Variants in IQSEC3 observed in about 807,000 individuals in gnomAD.
The protein encoded by IQSEC3 is IQ motif and SEC7 domain-containing protein 3.
In IQSEC3, 50 loss-of-function variants were observed where a neutral mutation model predicts 105.4. That is an observed-to-expected ratio of 0.47 (90% CI 0.38 to 0.60). The LOEUF (loss-of-function observed/expected upper bound fraction) is 0.60. Ranked by LOEUF, IQSEC3 falls within the 20% of genes least tolerant of loss-of-function variation. IQSEC3 has a pLI of 0.00. For synonymous variants in IQSEC3, 708 were observed against 746.0 expected, an observed-to-expected ratio of 0.95 and a Z score of 0.83; for missense variants, 1,415 against 1,630.0, an observed-to-expected ratio of 0.87 and a Z score of 2.27.
intron 2 of IQSEC3, among the ~76,000 whole-genome samples, chr12:100,853 C>T (rs192235838): frequency 5.3e-5 from 8 of 152,112 alleles, no homozygotes; most frequent in Admixed American, 1.3e-4. Flanking sequence ...AAGAGGAGAG[C>T]GTGGAGATGT....
At position 139,316 on chromosome 12, in the gene IQSEC3, C is replaced by T; in HGVS notation, c.1953C>T (p.Arg651=). The T allele has an allele frequency of 6.3e-7, 1 of 1,595,552 alleles. No individual in the cohort carries two copies. Among genetic ancestry groups the T allele is most frequent in the Non-Finnish European group, 8.5e-7 (1 of 1,171,918 alleles). The change falls in exon 4 of 14, where the codon CGC becomes CGT. Residue 651 remains arginine, a synonymous_variant. Transcript: ENST00000538872. ...KSPTLSTDTL[R]KRLYRIGLNL... ...CCACGCTCTCCACCGACACCCTGCG[C>T]AAGCGGCTCTACCGCATCGGCCTCA... is the stretch of plus-strand genomic sequence containing the variant.
intron 1 of IQSEC3, among the ~76,000 whole-genome samples, chr12:73,395 T>C (rs181828570): frequency 5.4e-3 from 824 of 152,186 alleles, no homozygotes; most frequent in Non-Finnish European, 8.6e-3. Flanking sequence ...TTGGGGTACA[T>C]AGTAAGTGCT....
chr12:174,579 T>C lies in IQSEC3; in HGVS notation c.3115-20T>C. 6.6e-7 allele frequency: 1 copy of C among 1,517,626 alleles called. No individual in the cohort carries two copies. The highest frequency in any genetic ancestry group is 8.8e-7 in the Non-Finnish European group (1 of 1,137,998). 94.0% of individuals were successfully genotyped at this position (1,517,626 alleles called of 1,614,324 possible). A position where few individuals can be genotyped will look rare whatever the true frequency, so the allele number is the denominator to read the frequency against. On this transcript the variant is annotated intron_variant, in intron 13 of 13. Transcript: ENST00000538872. The stretch of plus-strand genomic sequence containing the variant: ...TTAGTCTTGTAACATTTCATGCTTC[T>C]CTGGCTGTTTCTAAACTAGGTGTCA...
intron 1 of IQSEC3, among the ~76,000 whole-genome samples, chr12:84,770 G>C (rs1046826409): frequency 6.6e-6 from 1 of 152,212 alleles, no homozygotes; most frequent in Admixed American, 6.5e-5. Flanking sequence ...AGCAGTCTAT[G>C]CTAGAAGGTC....
rs577816730 is a variant in IQSEC3, at chr12:87,145, A to G, written c.555-12001A>G. Among the ~76,000 whole-genome samples, 6 of 152,222 alleles carry G rather than the reference A, an allele frequency of 3.9e-5. No homozygotes were observed. In the East Asian group the frequency reaches 1.2e-3, roughly 29 times the overall value. Reference sequence around the variant, plus strand: ...GTAGTTTTGGCAGAGCTTATTGGGGACAGCTTTTTTCTGTTCTGCATCATA... The same window carrying G: ...GTAGTTTTGGCAGAGCTTATTGGGGGCAGCTTTTTTCTGTTCTGCATCATA... On this transcript the variant is annotated intron_variant, in intron 1 of 13. Coordinates refer to ENST00000538872, the MANE Select transcript of IQSEC3 (RefSeq NM_001170738.2).
At chr12:167,162 C>G (rs1026002879) in intron 11 of IQSEC3, 1 of 152,136 alleles carries the variant, frequency 6.6e-6, no homozygotes, top group Non-Finnish European at 1.5e-5. Flanking sequence ...CAAACAGATT[C>G]TTTTCAAGGG....
At chr12:115,149 G>T (rs1591671765) in intron 2 of IQSEC3, among the ~76,000 whole-genome samples, 1 of 152,184 alleles carries the variant, frequency 6.6e-6, no homozygotes, top group East Asian at 1.9e-4. Flanking sequence ...TGGTAATTCT[G>T]CCATTTCCAT....
intron 1 of IQSEC3, among the ~76,000 whole-genome samples, chr12:83,549 G>A (rs1555071265): frequency 1.3e-5 from 2 of 151,816 alleles, no homozygotes; most frequent in Non-Finnish European, 2.9e-5. Context: ...AAAGGCCCTG[G>A]GGCTGAAGGA....
Position 175,079 on chromosome 12 carries a change from G to GCCCA in IQSEC3, c.*46_*47insCCCA. 7.1e-7 allele frequency: 1 copy of GCCCA among 1,407,432 alleles called. No homozygotes were observed. Among genetic ancestry groups the GCCCA allele is most frequent in the Non-Finnish European group, 9.4e-7 (1 of 1,062,166 alleles). 87.2% of individuals were successfully genotyped at this position (1,407,432 alleles called of 1,614,324 possible). On this transcript the variant is annotated 3_prime_UTR_variant, in exon 14 of 14. Transcript: ENST00000538872. ...TGTCCTGGGAGGGCTGGCCACTGGG[G>GCCCA]GGCCTGGGCTGCCCCTCCACTGCTC...
chr12:83,271 C>T (rs1294098578), intron 1 of IQSEC3, among the ~76,000 whole-genome samples: 2 of 152,156 alleles, frequency 1.3e-5, no homozygotes, highest in East Asian at 1.9e-4. Flanking sequence ...TGAGCACCTA[C>T]GGCATGTCAG....
rs552158402 is a variant in IQSEC3, at chr12:129,956, G to T, written c.903+4044G>T. ...TTGGTTTCCTCATGTGTGAACCAAA[G>T]GCTGTACCAGAGGGCCTCCTGGCCC... On this transcript the variant is annotated intron_variant, in intron 3 of 13. Transcript: ENST00000538872. Among the ~76,000 whole-genome samples, 12 of 152,188 alleles carry T rather than the reference G, an allele frequency of 7.9e-5. No individual in the cohort carries two copies. The East Asian group carries it at 1.6e-3, about 20-fold the overall frequency.
intron 3 of IQSEC3, among the ~76,000 whole-genome samples, chr12:130,994 C>T (rs1555084842): frequency 4.0e-5 from 2 of 50,168 alleles, no homozygotes; most frequent in Non-Finnish European, 8.4e-5. Context: ...CGATCCTCAG[C>T]ACTGTGCCCC....
At position 113,132 on chromosome 12, in the gene IQSEC3, C is replaced by A. The variant is rs113207252; in HGVS notation, c.624-12501C>A. Among the ~76,000 whole-genome samples, 1,410 of 152,212 alleles carry A rather than the reference C, an allele frequency of 9.3e-3. 22 individuals are homozygous for A. Among genetic ancestry groups the A allele is most frequent in the African/African-American group, 0.032 (1,327 of 41,522 alleles). On this transcript the variant is annotated intron_variant, in intron 2 of 13. Transcript: ENST00000538872. ...TTCCCTCCATGCTGGCAGCTCTTAG[C>A]GTTTATCCTGGGCTTGGATGCAGTT... is the stretch of plus-strand genomic sequence containing the variant.
chr12:118,439 C>T (rs560567580), intron 2 of IQSEC3, among the ~76,000 whole-genome samples: 4 of 151,056 alleles, frequency 2.6e-5, no homozygotes, highest in East Asian at 1.9e-4. Context: ...GGGGACGTGA[C>T]GCATGTTGTT....
chr12:125,612 A>G lies in IQSEC3; in HGVS notation c.624-21A>G. On this transcript the variant is annotated intron_variant, in intron 2 of 13. Coordinates refer to ENST00000538872, the MANE Select transcript of IQSEC3 (RefSeq NM_001170738.2). The stretch of plus-strand genomic sequence containing the variant: ...CTGTCGCCCTCTCCCCCAACCGAGC[A>G]CCGTTGCCTTCTGTTCACAGTGATG... The G allele has an allele frequency of 2.7e-6, 4 of 1,475,088 alleles. No individual in the cohort carries two copies. In the South Asian group the frequency reaches 4.2e-5, roughly 15 times the overall value. 91.4% of individuals were successfully genotyped at this position (1,475,088 alleles called of 1,614,324 possible).
chr12:71,670 T>A (rs2650183), intron 1 of IQSEC3, among the ~76,000 whole-genome samples: 32 of 152,400 alleles, frequency 2.1e-4, no homozygotes, highest in South Asian at 4.1e-4. Context: ...TACAGCCCTC[T>A]GCTCATCCTA....
At chr12:108,440 T>G (rs1367391161) in intron 2 of IQSEC3, among the ~76,000 whole-genome samples, 1 of 152,242 alleles carries the variant, frequency 6.6e-6, no homozygotes, top group African/African-American at 2.4e-5. Context: ...GTTTGTTTGT[T>G]TCCATCAATG....
At chr12:113,440 C>T (rs548483722) in intron 2 of IQSEC3, among the ~76,000 whole-genome samples, 1 of 152,380 alleles carries the variant, frequency 6.6e-6, no homozygotes, top group South Asian at 2.1e-4. Flanking sequence ...GAGAGGGCAA[C>T]AGTGGAGCAG....
chr12:169,966 C>G (rs1306950541), intron 12 of IQSEC3, among the ~76,000 whole-genome samples: 1 of 152,244 alleles, frequency 6.6e-6, no homozygotes, highest in Non-Finnish European at 1.5e-5. Context: ...CCAGCTTGAG[C>G]TGAGAAGCTC....
Sources: gnomAD v4.1 joint callset for allele counts (sites outside exome capture counted in the v4.1 genomes callset) on GRCh38, gnomAD v4.1.1 for gene constraint, MANE v1.5 for transcripts, NCBI Gene and HGNC (gene_info 2026-07-23, HGNC 2026-07-21) for gene names.